The following SLC60A1 variants were observed in gnomAD, a reference collection of about 807,000 sequenced individuals.
SLC60A1 encodes major facilitator superfamily domain containing 4.
At chr1:205,573,629 G>C in the SLC60A1 span, among the ~76,000 whole-genome samples, 1 of 152,160 alleles carries the variant, frequency 6.6e-6, no homozygotes, top group Admixed American at 6.5e-5. Context: ...TAAATTAGTA[G>C]TTGCCTAGGG....
the SLC60A1 span, among the ~76,000 whole-genome samples, chr1:205,574,159 C>A: frequency 0.016 from 2,410 of 151,832 alleles, 24 homozygotes; most frequent in Non-Finnish European, 0.022. Flanking sequence ...GTTAAAAAAA[C>A]CTCAAAGCCA....
the SLC60A1 span, among the ~76,000 whole-genome samples, chr1:205,591,602 A>G: frequency 6.6e-6 from 1 of 151,986 alleles, no homozygotes; most frequent in East Asian, 1.9e-4. Flanking sequence ...TGCCACAGCC[A>G]CTGACCCTCT....
chr1:205,572,391 T>G, the SLC60A1 span, among the ~76,000 whole-genome samples: 1 of 152,142 alleles, frequency 6.6e-6, no homozygotes, highest in African/African-American at 2.4e-5. Flanking sequence ...CCCCTGCCCA[T>G]GCTTTCTTAA....
the SLC60A1 span, among the ~76,000 whole-genome samples, chr1:205,587,249 C>G: frequency 6.6e-6 from 1 of 152,176 alleles, no homozygotes; most frequent in African/African-American, 2.4e-5. Flanking sequence ...GCTTAAACAC[C>G]TCTAGTAACT....
the SLC60A1 span, chr1:205,583,983 T>C: frequency 1.2e-6 from 2 of 1,613,902 alleles, no homozygotes; most frequent in Non-Finnish European, 1.7e-6. Flanking sequence ...GTGCTGATGC[T>C]GCTGTCCAAG....
chr1:205,592,062 C>T, the SLC60A1 span: 2 of 1,573,912 alleles, frequency 1.3e-6, no homozygotes, highest in Admixed American at 1.7e-5. Context: ...AGCCAGGAGA[C>T]GCCGACTCCT....
At chr1:205,601,908 G>C in the SLC60A1 span, 1 of 152,138 alleles carries the variant, frequency 6.6e-6, no homozygotes, top group South Asian at 2.1e-4. Context: ...TTTATAGAGG[G>C]AAAAAAACTC....
chr1:205,602,809 A>G, the SLC60A1 span: 1 of 152,372 alleles, frequency 6.6e-6, no homozygotes, highest in East Asian at 1.9e-4. Context: ...AGATTTAGAA[A>G]GAAGAATCAA....
the SLC60A1 span, chr1:205,600,104 C>T: frequency 3.4e-6 from 1 of 296,730 alleles, no homozygotes; most frequent in South Asian, 5.4e-5. Context: ...GTTGCACACA[C>T]ACAGGAGTTT....
chr1:205,600,266 G>A, the SLC60A1 span: 3 of 748,698 alleles, frequency 4.0e-6, no homozygotes, highest in East Asian at 2.8e-5. Flanking sequence ...GAACTAGGGG[G>A]TCTGACTTTT....
chr1:205,596,490 T>C, the SLC60A1 span, among the ~76,000 whole-genome samples: 183 of 129,128 alleles, frequency 1.4e-3, 5 homozygotes, highest in East Asian at 0.036. Context: ...TCCCAGCTTC[T>C]TGGGAGGCTG....
the SLC60A1 span, among the ~76,000 whole-genome samples, chr1:205,593,426 C>T: frequency 1.8e-5 from 1 of 56,710 alleles, no homozygotes; most frequent in African/African-American, 7.5e-5. Flanking sequence ...AGCACTCCAG[C>T]CTGGGCGACA....
chr1:205,592,937 C>A, the SLC60A1 span, among the ~76,000 whole-genome samples: 2 of 152,136 alleles, frequency 1.3e-5, no homozygotes, highest in East Asian at 3.9e-4. Context: ...CAGTACGTGC[C>A]TGCCTTGTGG....
chr1:205,576,622 T>C, the SLC60A1 span, among the ~76,000 whole-genome samples: 1 of 152,200 alleles, frequency 6.6e-6, no homozygotes, highest in African/African-American at 2.4e-5. Flanking sequence ...TTATCCACAT[T>C]CCTAGAAGGG....
At chr1:205,593,892 T>G in the SLC60A1 span, among the ~76,000 whole-genome samples, 5 of 152,178 alleles carry the variant, frequency 3.3e-5, no homozygotes, top group Admixed American at 1.3e-4. Context: ...GAGAATGAAT[T>G]AGAGAATCAA....
At chr1:205,597,938 C>T in the SLC60A1 span, 1 of 1,336,926 alleles carries the variant, frequency 7.5e-7, no homozygotes, top group Admixed American at 1.7e-5. Flanking sequence ...CTTCTGAACT[C>T]AAACTGTCCC....
chr1:205,578,087 A>G, the SLC60A1 span, among the ~76,000 whole-genome samples: 3 of 152,220 alleles, frequency 2.0e-5, no homozygotes, highest in Non-Finnish European at 4.4e-5. Context: ...TTCCTGCAGG[A>G]TTGAAAGACA....
the SLC60A1 span, among the ~76,000 whole-genome samples, chr1:205,586,945 G>T: frequency 1.3e-5 from 2 of 152,044 alleles, no homozygotes; most frequent in African/African-American, 2.4e-5. Flanking sequence ...TGATCCACCC[G>T]CCTCGGCCTC....
At chr1:205,593,684 A>G in the SLC60A1 span, among the ~76,000 whole-genome samples, 1 of 152,148 alleles carries the variant, frequency 6.6e-6, no homozygotes, top group African/African-American at 2.4e-5. Context: ...TGTTTTCAAA[A>G]TGGAATTTTT....
Sources: gnomAD v4.1 joint callset for allele counts (sites outside exome capture counted in the v4.1 genomes callset) on GRCh38, gnomAD v4.1.1 for gene constraint, MANE v1.5 for transcripts, NCBI Gene and HGNC (gene_info 2026-07-23, HGNC 2026-07-21) for gene names.